BRSK2: variants seen among roughly 807,000 people sequenced by gnomAD.
BRSK2 encodes serine/threonine-protein kinase BRSK2.
A neutral mutation model predicts 83.3 loss-of-function variants in BRSK2; 19 were observed. That is an observed-to-expected ratio of 0.23 (90% CI 0.16 to 0.33). The LOEUF (loss-of-function observed/expected upper bound fraction) is 0.33, where lower values mean the gene tolerates loss of function less well. BRSK2 is among the 10% of genes least tolerant of loss of function. BRSK2 has a pLI of 1.00. For synonymous variants in BRSK2, 519 were observed against 435.4 expected (o/e 1.19, Z -2.39); for missense variants, 798 against 1,042.3 (o/e 0.77, Z 3.23).
At chr11:1,449,750 G>A (rs767503021) in intron 12 of BRSK2, 26 bp from the exon 13 acceptor site, 1 of 1,602,364 alleles carries the variant, frequency 6.2e-7, no homozygotes, top group African/African-American at 1.3e-5. Flanking sequence ...TGGCTGAGCA[G>A]TGGCCCTGTA....
Position 1,390,367 on chromosome 11 carries a change from G to C in BRSK2, c.83G>C (p.Gly28Ala). 9.7e-7 allele frequency: 1 copy of C among 1,032,780 alleles called. No homozygotes were observed. The highest frequency in any genetic ancestry group is 1.2e-6 in the Non-Finnish European group (1 of 852,022). The allele number at this position is 1,032,780 out of a possible 1,614,324, so 64.0% of individuals were successfully genotyped here. The change falls in exon 1 of 20, where the codon GGG becomes GCG. Residue 28 changes from glycine to alanine, a missense_variant. By Grantham distance (60) the Gly-to-Ala change is moderately conservative (BLOSUM62 0). Transcript: ENST00000528841. The surrounding 1 kb of genome is among the most constrained non-coding windows in gnomAD (Gnocchi z 6.8). ...CGGCTGGAGAAGACGCTGGGCAAGG[G>C]GCAGACAGGTGCGTGCGGCCGGGGC... Reference protein sequence around the residue: ...PYRLEKTLGKGQTGLVKLGVH... With the variant: ...PYRLEKTLGKAQTGLVKLGVH...
intron 1 of BRSK2, among the ~76,000 whole-genome samples, chr11:1,393,438 A>G (rs1043704974): frequency 6.6e-6 from 1 of 152,026 alleles, no homozygotes; most frequent in African/African-American, 2.4e-5. Flanking sequence ...GCCTTCGGGA[A>G]TCCTCTGTCT....
intron 13 of BRSK2, among the ~76,000 whole-genome samples, chr11:1,450,272 G>A (rs2133189312): frequency 6.6e-6 from 1 of 151,644 alleles, no homozygotes; most frequent in Admixed American, 6.5e-5. Flanking sequence ...GCCCTTCGTG[G>A]CCCGCCCCCT....
Position 1,442,484 on chromosome 11 carries a change from C to T in BRSK2, c.414-6C>T, listed in dbSNP as rs995564622. On this transcript the variant is annotated splice_polypyrimidine_tract_variant and splice_region_variant and intron_variant, in intron 4 of 19. Coordinates refer to ENST00000528841, the MANE Select transcript of BRSK2 (RefSeq NM_001256627.2). ...CCCTGTTCAGCCTCACCACCCTCCT[C>T]CCCAGCCACAGGGATCTGAAACCTG... The T allele has an allele frequency of 5.6e-6, 9 of 1,610,720 alleles. No homozygotes were observed. The highest frequency in any genetic ancestry group is 1.3e-5 in the African/African-American group (1 of 74,864).
intron 1 of BRSK2, among the ~76,000 whole-genome samples, chr11:1,427,816 C>T (rs1426127747): frequency 1.3e-5 from 2 of 152,202 alleles, no homozygotes; most frequent in Non-Finnish European, 1.5e-5. Context: ...TTCCAGTCCC[C>T]CATCCTCCAG....
chr11:1,458,584 G>A (rs1042958543), intron 18 of BRSK2, among the ~76,000 whole-genome samples: 2 of 152,186 alleles, frequency 1.3e-5, no homozygotes, highest in Non-Finnish European at 2.9e-5. Context: ...GCCGAGGGAG[G>A]GGAGGCTGAG....
rs781049550 is a variant in BRSK2, at chr11:1,460,460, C to CTTTTTTTTTTTTTT, written c.1988-40_1988-39insTTTTTTTTTTTTTT. The CTTTTTTTTTTTTTT allele has an allele frequency of 2.8e-5, 31 of 1,122,748 alleles. 4 individuals carry two copies. Among genetic ancestry groups the CTTTTTTTTTTTTTT allele is most frequent in the South Asian group, 1.9e-4 (7 of 36,466 alleles). 69.5% of individuals were successfully genotyped at this position (1,122,748 alleles called of 1,614,324 possible). ...TCTCTCCCCCTTTTTTTTCTTTTTT[C>CTTTTTTTTTTTTTT]CTTTTTTTTTTTTTTTTTGTCTCTG... On this transcript the variant is annotated intron_variant, in intron 19 of 19. Coordinates refer to ENST00000528841, the MANE Select transcript of BRSK2 (RefSeq NM_001256627.2).
In BRSK2 at chr11:1,442,547, C is replaced by A; in HGVS notation, c.471C>A (p.Ile157=). 1 of 1,613,138 alleles carries A rather than the reference C, an allele frequency of 6.2e-7. No homozygotes were observed. The highest frequency in any genetic ancestry group is 8.5e-7 in the Non-Finnish European group (1 of 1,179,790). ...TGGACGAGAAGAACAACATCCGCAT[C>A]GCAGACTTTGGCATGGCGTCCCTGC... ...LLLDEKNNIR[I]ADFGMASLQV... Residue 157 remains isoleucine, a synonymous_variant, in exon 5 of 20, where the codon ATC becomes ATA. Coordinates refer to ENST00000528841, the MANE Select transcript of BRSK2 (RefSeq NM_001256627.2).
rs752151461 is a variant in BRSK2, at chr11:1,440,809, G to A, written c.294G>A (p.Val98=). 6.3e-7 allele frequency: 1 copy of A among 1,584,284 alleles called. No homozygotes were observed. The highest frequency in any genetic ancestry group is 8.6e-7 in the Non-Finnish European group (1 of 1,164,842). The change falls in exon 4 of 20, where the codon GTG becomes GTA. Residue 98 remains valine, a synonymous_variant. Coordinates refer to ENST00000528841, the MANE Select transcript of BRSK2 (RefSeq NM_001256627.2). ...KKYLYLVLEH[V]SGGELFDYLV... is the part of the protein sequence containing the mutation. ...GCAGGTACCTGGTGCTAGAACACGT[G>A]TCAGGTGGTGAGCTCTTCGACTACC...
intron 1 of BRSK2, among the ~76,000 whole-genome samples, chr11:1,418,159 C>T (rs1047658627): frequency 2.1e-5 from 3 of 141,758 alleles, no homozygotes; most frequent in Admixed American, 1.4e-4. Flanking sequence ...TGTCCTGCTT[C>T]TGTTGGCTGT....
intron 8 of BRSK2, among the ~76,000 whole-genome samples, chr11:1,444,093 G>A (rs1851703649): frequency 6.6e-6 from 1 of 152,122 alleles, no homozygotes; most frequent in African/African-American, 2.4e-5. Context: ...GTGCACAGGT[G>A]TGGGGGGCTG....
intron 18 of BRSK2, among the ~76,000 whole-genome samples, chr11:1,457,800 G>GC (rs1451974408): frequency 6.6e-5 from 10 of 151,584 alleles, no homozygotes; most frequent in East Asian, 5.8e-4. Flanking sequence ...ACCTGTGGGA[G>GC]CCCCCCCAGA....
intron 19 of BRSK2, chr11:1,459,554 G>A (rs1421341995): frequency 4.9e-6 from 2 of 407,818 alleles, no homozygotes; most frequent in Non-Finnish European, 9.1e-6. Flanking sequence ...GCAGGCTGTG[G>A]CCTAGGGGAG....
In BRSK2 at chr11:1,440,856, C is replaced by T. The variant is rs371891449; in HGVS notation, c.341C>T (p.Thr114Met). The T allele has an allele frequency of 7.2e-5, 116 of 1,606,472 alleles. 1 individual carries two copies. The highest frequency in any genetic ancestry group is 3.5e-4 in the Admixed American group (21 of 59,228). Residue 114 changes from threonine to methionine, a missense_variant, in exon 4 of 20, where the codon ACG becomes ATG. Thr to Met is a moderately conservative substitution (Grantham distance 81). Around this residue, in one of 6 missense-constraint regions of BRSK2, gnomAD observed 109 missense variants for 259.2 expected, o/e 0.42. Transcript: ENST00000528841. ...FDYLVKKGRL[T>M]PKEARKFFRQ... ...TACCTGGTGAAGAAGGGGAGGCTGA[C>T]GCCTAAGGAGGCTCGGAAGTTCTTC...
intron 12 of BRSK2, among the ~76,000 whole-genome samples, 174 bp downstream of exon 12, chr11:1,446,081 G>GGAGCTGA (rs1852037308): frequency 2.1e-5 from 3 of 141,788 alleles, no homozygotes; most frequent in African/African-American, 8.4e-5. Flanking sequence ...GGCTGGGCTG[G>GGAGCTGA]GCTGGGCTTA....
At chr11:1,457,163 C>G (rs1846683810) in intron 18 of BRSK2, 1 of 979,040 alleles carries the variant, frequency 1.0e-6, no homozygotes, top group East Asian at 2.7e-5. Flanking sequence ...CGGCCCTGGA[C>G]AGGCCAAGCA....
intron 15 of BRSK2, among the ~76,000 whole-genome samples, chr11:1,453,342 G>A (rs1053808715): frequency 1.2e-4 from 19 of 152,230 alleles, no homozygotes; most frequent in Admixed American, 7.2e-4. Context: ...CCCCTGGGCC[G>A]CAAAGCAGAG....
At chr11:1,442,632 AGGCTGGGGGACAGGCTG>A (rs1414374372) in intron 5 of BRSK2, 26 bp downstream of exon 5, 6 of 1,561,010 alleles carry the variant, frequency 3.8e-6, no homozygotes, top group Non-Finnish European at 3.5e-6. Flanking sequence ...CCCTGGAGAG[AGGCTGGGGGACAGGCTG>A]GGCTGGGGGA....
chr11:1,424,801 G>A (rs1055608232), intron 1 of BRSK2, among the ~76,000 whole-genome samples: 1 of 151,968 alleles, frequency 6.6e-6, no homozygotes, highest in Non-Finnish European at 1.5e-5. Flanking sequence ...TCTGCCAGGT[G>A]GGCTCCCTGG....
Sources: gnomAD v4.1 joint callset for allele counts (sites outside exome capture counted in the v4.1 genomes callset) on GRCh38, gnomAD v4.1.1 for gene constraint, gnomAD v4.1.1 regional missense constraint, Gnocchi (gnomAD v3.1) non-coding constraint, MANE v1.5 for transcripts, NCBI Gene and HGNC (gene_info 2026-07-23, HGNC 2026-07-21) for gene names.